Variants in PBLD observed in about 807,000 individuals in gnomAD.
The protein encoded by PBLD is phenazine biosynthesis-like domain-containing protein.
PBLD carries 26 observed loss-of-function variants against 31.3 expected under a neutral mutation model. That is an observed-to-expected ratio of 0.83 (90% CI 0.61 to 1.15). The LOEUF is 1.15. PBLD is among the 50% of genes most tolerant of loss of function. The pLI is 0.00. For synonymous variants in PBLD, 114 were observed against 129.0 expected (o/e 0.88, Z 0.79); for missense variants, 307 against 351.7 (o/e 0.87, Z 1.02).
At chr10:68,288,852 A>C (rs1359979533) in intron 7 of PBLD, 79 bp downstream of exon 7, 3 of 1,415,686 alleles carry the variant, frequency 2.1e-6, no homozygotes, top group Non-Finnish European at 3.0e-6. Context: ...GACTGGACAC[A>C]GCACAGCCAG....
intron 1 of PBLD, among the ~76,000 whole-genome samples, chr10:68,322,977 G>T (rs1400054043): frequency 6.6e-6 from 1 of 152,110 alleles, no homozygotes; most frequent in Admixed American, 6.5e-5. Flanking sequence ...CTGGTCTCAA[G>T]CAATCCTCCT....
At chr10:68,302,675 T>C (rs1416075017) in intron 2 of PBLD, among the ~76,000 whole-genome samples, 2 of 151,946 alleles carry the variant, frequency 1.3e-5, no homozygotes, top group Non-Finnish European at 2.9e-5. Flanking sequence ...AGACCCTGTC[T>C]CTACAAAAAA....
At chr10:68,315,273 T>C (rs2044722260) in intron 1 of PBLD, among the ~76,000 whole-genome samples, 1 of 152,180 alleles carries the variant, frequency 6.6e-6, no homozygotes, top group Non-Finnish European at 1.5e-5. Context: ...GGGAATGAGA[T>C]GTCCAGAAAG....
intron 4 of PBLD, among the ~76,000 whole-genome samples, chr10:68,294,576 G>A (rs938492111): frequency 2.6e-5 from 4 of 152,186 alleles, no homozygotes; most frequent in Non-Finnish European, 4.4e-5. Context: ...ACTGGTCCAT[G>A]GAGGGTAAAA....
At chr10:68,292,076 C>T (rs1299133983) in intron 5 of PBLD, 37 bp from the exon 6 acceptor site, 1 of 1,596,654 alleles carries the variant, frequency 6.3e-7, no homozygotes, top group African/African-American at 1.3e-5. Flanking sequence ...TATTATAAAA[C>T]AGGAGAGCTG....
intron 4 of PBLD, among the ~76,000 whole-genome samples, chr10:68,292,823 C>T (rs2044377322): frequency 1.3e-5 from 2 of 152,020 alleles, no homozygotes; most frequent in Admixed American, 1.3e-4. Context: ...CTCCTTAAAT[C>T]TCAGTTTCCT....
chr10:68,328,947 G>A (rs1432143755), intron 1 of PBLD, among the ~76,000 whole-genome samples: 3 of 152,102 alleles, frequency 2.0e-5, no homozygotes, highest in Non-Finnish European at 2.9e-5. Flanking sequence ...GCACGATCTC[G>A]GCTCACTGCA....
chr10:68,298,741 T>C (rs944177492), intron 2 of PBLD, among the ~76,000 whole-genome samples: 26 of 124,090 alleles, frequency 2.1e-4, no homozygotes, highest in Non-Finnish European at 3.6e-4. Flanking sequence ...TGTGAAGATA[T>C]ATACATGCAT....
At chr10:68,289,435 G>A (rs138713800) in intron 6 of PBLD, among the ~76,000 whole-genome samples, 1 of 152,166 alleles carries the variant, frequency 6.6e-6, no homozygotes, top group East Asian at 1.9e-4. Flanking sequence ...GCTGAGGCAA[G>A]AGAATCACTT....
In PBLD at chr10:68,284,024, G is replaced by A; in HGVS notation, c.*153C>T. ...GGCCTCTCAAAGTGCTACGATTACA[G>A]GCATGAGCCACTGCGCCTGGCCCAT... is the stretch of plus-strand genomic sequence containing the variant. On this transcript the variant is annotated 3_prime_UTR_variant, in exon 10 of 10. Coordinates refer to ENST00000358769, the MANE Select transcript of PBLD (RefSeq NM_022129.4). 1.6e-6 allele frequency: 1 copy of A among 632,896 alleles called. No homozygotes were observed. The highest frequency in any genetic ancestry group is 2.7e-6 in the Non-Finnish European group (1 of 373,886). The allele number at this position is 632,896 out of a possible 1,614,324, so 39.2% of individuals were successfully genotyped here.
intron 1 of PBLD, among the ~76,000 whole-genome samples, chr10:68,319,804 ATTTATTTATTTATT>A (rs2044806288): frequency 1.3e-5 from 2 of 150,542 alleles, no homozygotes; most frequent in South Asian, 2.1e-4. Flanking sequence ...TTTATTTTTT[ATTTATTTATTTATT>A]TTTATTTATT....
intron 1 of PBLD, among the ~76,000 whole-genome samples, chr10:68,329,841 G>A (rs1378052450): frequency 6.6e-6 from 1 of 152,112 alleles, no homozygotes; most frequent in Non-Finnish European, 1.5e-5. Flanking sequence ...GTAACCTCAC[G>A]AAGGTTCATA....
intron 8 of PBLD, among the ~76,000 whole-genome samples, chr10:68,286,353 G>C (rs2044288055): frequency 6.6e-6 from 1 of 152,100 alleles, no homozygotes; most frequent in African/African-American, 2.4e-5. Context: ...CTCTCAAAGG[G>C]CTGGGATTAC....
chr10:68,307,250 G>A (rs1443075456), intron 1 of PBLD, among the ~76,000 whole-genome samples: 1 of 151,894 alleles, frequency 6.6e-6, no homozygotes, highest in Admixed American at 6.6e-5. Flanking sequence ...GGCTGGTCTC[G>A]AACTCCTGAC....
intron 1 of PBLD, among the ~76,000 whole-genome samples, chr10:68,323,547 G>A (rs1213755819): frequency 1.3e-5 from 2 of 152,154 alleles, no homozygotes; most frequent in Admixed American, 1.3e-4. Flanking sequence ...GGGACAGAGT[G>A]AGATTCCATC....
At chr10:68,328,176 T>G (rs964626808) in intron 1 of PBLD, among the ~76,000 whole-genome samples, 1 of 152,164 alleles carries the variant, frequency 6.6e-6, no homozygotes, top group Admixed American at 6.5e-5. Flanking sequence ...TTACACAAAT[T>G]TAGTGTTTAA....
At chr10:68,296,199 G>C (rs1241209195) in intron 4 of PBLD, 67 bp downstream of exon 4, 1 of 1,166,140 alleles carries the variant, frequency 8.6e-7, no homozygotes, top group Non-Finnish European at 1.2e-6. Context: ...GAAAAAGTGT[G>C]TGTGAGAACT....
rs957362509 is a variant in PBLD at position 68,332,906 on chromosome 10, CAGACGGCCTCCTTTGTAATT to C, written c.-202_-183del. 2 of 152,218 alleles carry C rather than the reference CAGACGGCCTCCTTTGTAATT, an allele frequency of 1.3e-5. No homozygotes were observed. Among genetic ancestry groups the C allele is most frequent in the African/African-American group, 4.8e-5 (2 of 41,446 alleles). 9.4% of individuals were successfully genotyped at this position (152,218 alleles called of 1,614,324 possible). On this transcript the variant is annotated 5_prime_UTR_variant, in exon 1 of 10. Transcript: ENST00000358769. The stretch of plus-strand genomic sequence containing the variant: ...ACTCCCAAATCCAGGACAAAGGAGG[CAGACGGCCTCCTTTGTAATT>C]CTGCCGCCCGGTGGCGAAGGGTTTT...
chr10:68,313,476 C>T, intron 1 of PBLD, among the ~76,000 whole-genome samples: 1 of 152,154 alleles, frequency 6.6e-6, no homozygotes, highest in East Asian at 1.9e-4. Flanking sequence ...TACTTTTATG[C>T]ATACTTCCCG....
Sources: allele counts gnomAD v4.1 joint callset (sites outside exome capture counted in the v4.1 genomes callset), GRCh38; gene constraint gnomAD v4.1.1; transcripts MANE v1.5; gene names NCBI Gene and HGNC (gene_info 2026-07-23, HGNC 2026-07-21).